PCNX2: variants seen among roughly 807,000 people sequenced by gnomAD.
PCNX2 encodes the protein pecanex-like protein 2.
In PCNX2, 168 loss-of-function variants were observed where a neutral mutation model predicts 223.8. That is an observed-to-expected ratio of 0.75 (90% CI 0.66 to 0.85). The LOEUF (loss-of-function observed/expected upper bound fraction) is 0.85, where lower values mean the gene tolerates loss of function less well. PCNX2 is among the 40% of genes least tolerant of loss of function. The pLI, the probability that PCNX2 is intolerant of heterozygous loss-of-function variation, is 0.00. For synonymous variants in PCNX2, 1,006 were observed against 1,052.6 expected, an observed-to-expected ratio of 0.96 and a Z score of 0.86; for missense variants, 2,507 against 2,675.5, an observed-to-expected ratio of 0.94 and a Z score of 1.39.
chr1:233,233,232 G>C (rs943353027), intron 9 of PCNX2, among the ~76,000 whole-genome samples: 3 of 152,184 alleles, frequency 2.0e-5, no homozygotes, highest in Non-Finnish European at 2.9e-5. Context: ...CTTAGTGACA[G>C]AGAAGTACCA....
intron 17 of PCNX2, among the ~76,000 whole-genome samples, chr1:233,171,309 CT>C (rs748731390): frequency 1.1e-4 from 16 of 150,094 alleles, no homozygotes; most frequent in South Asian, 6.3e-4. Context: ...TTTTTTAAAT[CT>C]TTTTTTTTCT....
chr1:233,095,944 T>C (rs1006417027), intron 21 of PCNX2, 81 bp from the exon 22 acceptor site: 9 of 1,063,270 alleles, frequency 8.5e-6, no homozygotes, highest in Non-Finnish European at 9.7e-6. Context: ...AAAGGACATT[T>C]GTCAAGGTTA....
intron 23 of PCNX2, among the ~76,000 whole-genome samples, chr1:233,074,390 C>T (rs959567156): frequency 1.3e-4 from 19 of 151,832 alleles, no homozygotes; most frequent in South Asian, 6.2e-4. Context: ...GTCAGGAGAT[C>T]GAGACCATCC....
chr1:233,045,649 C>T lies in PCNX2; in HGVS notation c.4351+8619G>A, dbSNP rs147410242. On this transcript the variant is annotated intron_variant, in intron 25 of 33. Coordinates refer to ENST00000258229, the MANE Select transcript of PCNX2 (RefSeq NM_014801.4). ...GGCTCCCTTCCATCTAGAGCACACA[C>T]GTGAAATCTTGGCTTTGTTAATCTG... 5.6e-3 allele frequency among the ~76,000 whole-genome samples: 846 copies of T among 152,292 alleles called. 17 individuals carry two copies. The highest frequency in any genetic ancestry group is 3.7e-3 in the Non-Finnish European group (251 of 68,030).
intron 19 of PCNX2, among the ~76,000 whole-genome samples, chr1:233,152,497 T>C (rs28667166): frequency 0.29 from 44,821 of 152,112 alleles, 7,623 homozygotes; most frequent in East Asian, 0.56. Flanking sequence ...CAAAGACCCC[T>C]GCATAGTTTT....
intron 1 of PCNX2, among the ~76,000 whole-genome samples, chr1:233,286,430 G>A (rs76640637): frequency 0.01 from 1,571 of 152,296 alleles, 15 homozygotes; most frequent in South Asian, 0.026. Flanking sequence ...AGACTGGCTG[G>A]CTAGCTGCTT....
At chr1:233,257,320 T>C (rs1337101128) in intron 5 of PCNX2, among the ~76,000 whole-genome samples, 2 of 152,094 alleles carry the variant, frequency 1.3e-5, no homozygotes, top group Non-Finnish European at 2.9e-5. Flanking sequence ...GGAAGGATGA[T>C]GGTATATCCA....
At chr1:233,313,871 A>G in the PCNX2 span, among the ~76,000 whole-genome samples, 1 of 152,218 alleles carries the variant, frequency 6.6e-6, no homozygotes, top group East Asian at 1.9e-4. Flanking sequence ...GACTGGGAAA[A>G]GACAAGTTGT....
intron 21 of PCNX2, among the ~76,000 whole-genome samples, chr1:233,129,949 T>A (rs945997005): frequency 1.3e-5 from 2 of 152,192 alleles, no homozygotes; most frequent in Admixed American, 6.5e-5. Flanking sequence ...TAAACCTTTT[T>A]GCTGCTCACT....
the PCNX2 span, among the ~76,000 whole-genome samples, chr1:233,312,956 C>T: frequency 1.3e-5 from 2 of 151,986 alleles, no homozygotes; most frequent in Non-Finnish European, 2.9e-5. Context: ...GGCATAGACA[C>T]TGTGTACCCA....
intron 15 of PCNX2, among the ~76,000 whole-genome samples, chr1:233,193,835 T>A (rs74406418): frequency 0.018 from 2,751 of 152,086 alleles, 87 homozygotes; most frequent in African/African-American, 0.062. Flanking sequence ...AACTTCAAGA[T>A]AGGTCAGTAA....
intron 12 of PCNX2, among the ~76,000 whole-genome samples, chr1:233,213,864 A>G (rs1018626490): frequency 7.3e-4 from 85 of 117,208 alleles, no homozygotes; most frequent in African/African-American, 2.9e-3. Flanking sequence ...GTCTCACTCT[A>G]TCACCCAGGG....
In PCNX2 at chr1:233,045,667, T is replaced by A. The variant is rs562211918; in HGVS notation, c.4351+8601A>T. On this transcript the variant is annotated intron_variant, in intron 25 of 33. Coordinates refer to ENST00000258229, the MANE Select transcript of PCNX2 (RefSeq NM_014801.4). ...GCACACACGTGAAATCTTGGCTTTG[T>A]TAATCTGTTAAACCCACATCAGACA... Among the ~76,000 whole-genome samples the A allele has an allele frequency of 1.1e-4, 16 of 152,342 alleles. 1 individual carries two copies. The South Asian group carries it at 2.9e-3, about 28-fold the overall frequency.
At position 233,200,918 on chromosome 1, in the gene PCNX2, C is replaced by T. The variant is rs533940929; in HGVS notation, c.2864-654G>A. 1.7e-4 allele frequency among the ~76,000 whole-genome samples: 26 copies of T among 149,206 alleles called. No homozygotes were observed. In the East Asian group the frequency reaches 2.0e-3, roughly 11 times the overall value. ...GCGGGCGCCTGTAGTCCCAGCTACT[C>T]GGGAGGCTGAGGCAGGAGAATGGCG... On this transcript the variant is annotated intron_variant, in intron 13 of 33. Coordinates refer to ENST00000258229, the MANE Select transcript of PCNX2 (RefSeq NM_014801.4).
At chr1:233,248,036 C>T (rs1298976515) in intron 8 of PCNX2, among the ~76,000 whole-genome samples, 1 of 152,156 alleles carries the variant, frequency 6.6e-6, no homozygotes. Context: ...GGACCAAGAC[C>T]TTGCCCATTG....
chr1:233,018,839 A>G lies in PCNX2; in HGVS notation c.4606-1685T>C, dbSNP rs149315461. The G allele has an allele frequency of 2.9e-3, 2,882 of 985,444 alleles. 4 individuals carry two copies. Among genetic ancestry groups the G allele is most frequent in the Non-Finnish European group, 3.3e-3 (2,723 of 829,934 alleles). The allele number at this position is 985,444 out of a possible 1,614,324, so 61.0% of individuals were successfully genotyped here. On this transcript the variant is annotated intron_variant, in intron 26 of 33. Coordinates refer to ENST00000258229, the MANE Select transcript of PCNX2 (RefSeq NM_014801.4). ...AGGCAGGGATGTGTGCTCCTGTTAG[A>G]AACAAACGCTTAATTGATGCTCTTC...
chr1:233,114,588 G>T (rs558084110), intron 21 of PCNX2, among the ~76,000 whole-genome samples: 7 of 152,240 alleles, frequency 4.6e-5, no homozygotes, highest in African/African-American at 1.7e-4. Context: ...AAAAAGCTTG[G>T]AAGTTATTTT....
intron 1 of PCNX2, among the ~76,000 whole-genome samples, chr1:233,271,687 C>T (rs978421937): frequency 6.6e-6 from 1 of 152,202 alleles, no homozygotes; most frequent in African/African-American, 2.4e-5. Context: ...CATTCTTCTA[C>T]ATGTGGCTTG....
intron 19 of PCNX2, among the ~76,000 whole-genome samples, chr1:233,150,357 C>G (rs1344700253): frequency 3.3e-5 from 5 of 152,194 alleles, no homozygotes; most frequent in African/African-American, 4.8e-5. Flanking sequence ...GCATCCTACA[C>G]AGTCCCAGCA....
Sources: allele counts gnomAD v4.1 joint callset (sites outside exome capture counted in the v4.1 genomes callset), GRCh38; gene constraint gnomAD v4.1.1; transcripts MANE v1.5; gene names NCBI Gene and HGNC (gene_info 2026-07-23, HGNC 2026-07-21).